Variants in GLMN observed in about 807,000 individuals in gnomAD.
GLMN encodes glomulin.
GLMN carries 75 observed loss-of-function variants against 87.8 expected under a neutral mutation model. The observed-to-expected ratio is 0.85, with a 90% CI of 0.71 to 1.04. GLMN has a LOEUF of 1.04. GLMN is among the 50% of genes least tolerant of loss of function. GLMN has a pLI of 0.00. For synonymous variants in GLMN, 206 were observed against 221.6 expected (o/e 0.93, Z 0.63); for missense variants, 588 against 658.8 (o/e 0.89, Z 1.18).
At chr1:92,286,883 G>C (rs186461578) in intron 6 of GLMN, among the ~76,000 whole-genome samples, 13 of 152,260 alleles carry the variant, frequency 8.5e-5, no homozygotes, top group Non-Finnish European at 1.5e-4. Flanking sequence ...CAGCTAGAAG[G>C]CCCTTGCCAG....
chr1:92,339,935 T>C, the GLMN span, among the ~76,000 whole-genome samples: 1 of 152,208 alleles, frequency 6.6e-6, no homozygotes, highest in Non-Finnish European at 1.5e-5. Flanking sequence ...TTATCTAGAT[T>C]AGCAGTAGTG....
chr1:92,248,052 C>T (rs1038626224), intron 16 of GLMN, 63 bp from the exon 17 acceptor site: 15 of 774,708 alleles, frequency 1.9e-5, no homozygotes, highest in African/African-American at 3.4e-5. Flanking sequence ...CTATTAAACG[C>T]GATAAAAGCT....
chr1:92,288,884 A>C (rs1649081786), intron 6 of GLMN, 30 bp downstream of exon 6: 1 of 1,036,636 alleles, frequency 9.6e-7, no homozygotes, highest in South Asian at 1.3e-5. Context: ...ACTTAAGTCC[A>C]CTGTGAGATG....
intron 16 of GLMN, among the ~76,000 whole-genome samples, chr1:92,255,631 T>A (rs1206720785): frequency 6.6e-6 from 1 of 152,138 alleles, no homozygotes; most frequent in Non-Finnish European, 1.5e-5. Context: ...CAGAACTACA[T>A]GGAAACTGAA....
At chr1:92,284,433 A>ACTGG (rs1648478357) in intron 7 of GLMN, among the ~76,000 whole-genome samples, 1 of 152,226 alleles carries the variant, frequency 6.6e-6, no homozygotes, top group Non-Finnish European at 1.5e-5. Context: ...GAAAGCTGAA[A>ACTGG]CTGGATCCCT....
intron 3 of GLMN, among the ~76,000 whole-genome samples, chr1:92,292,732 CTTTTT>C (rs1177905555): frequency 2.5e-5 from 3 of 119,676 alleles, no homozygotes; most frequent in Admixed American, 1.6e-4. Context: ...CTTTTCTTTT[CTTTTT>C]TTTTTTTTTT....
chr1:92,286,423 T>G, intron 7 of GLMN, 67 bp downstream of exon 7: 3 of 731,642 alleles, frequency 4.1e-6, no homozygotes, highest in Admixed American at 2.1e-5. Context: ...TCAATTTACA[T>G]GTGCAGTACT....
At chr1:92,283,529 A>G (rs913758126) in intron 7 of GLMN, among the ~76,000 whole-genome samples, 2 of 152,188 alleles carry the variant, frequency 1.3e-5, no homozygotes, top group Admixed American at 1.3e-4. Flanking sequence ...ATAGGCAAAA[A>G]ATTGGAAGCA....
chr1:92,305,450 A>AAAAAAAAAAAAAAAAAC, the GLMN span, among the ~76,000 whole-genome samples: 2 of 141,852 alleles, frequency 1.4e-5, no homozygotes, highest in African/African-American at 5.9e-5. Context: ...AAAAAAAAAA[A>AAAAAAAAAAAAAAAAAC]AGACAATATG....
At chr1:92,321,119 A>G in the GLMN span, among the ~76,000 whole-genome samples, 1 of 150,710 alleles carries the variant, frequency 6.6e-6, no homozygotes, top group Non-Finnish European at 1.5e-5. Context: ...CTCTCAAAAC[A>G]CATCCCTTAA....
At chr1:92,353,125 A>G in the GLMN span, among the ~76,000 whole-genome samples, 1 of 152,114 alleles carries the variant, frequency 6.6e-6, no homozygotes, top group Non-Finnish European at 1.5e-5. Context: ...ATTTTTTGCT[A>G]TTTAATGGAT....
chr1:92,324,196 T>C, the GLMN span: 4 of 1,614,020 alleles, frequency 2.5e-6, no homozygotes, highest in African/African-American at 5.3e-5. Flanking sequence ...CTGGAGGGAA[T>C]CTCAGAACAG....
chr1:92,277,202 T>C (rs773403345), intron 7 of GLMN, among the ~76,000 whole-genome samples: 3 of 152,136 alleles, frequency 2.0e-5, no homozygotes, highest in Non-Finnish European at 2.9e-5. Context: ...ACAAAAAATA[T>C]CCATACATCT....
the GLMN span, among the ~76,000 whole-genome samples, chr1:92,337,444 A>G: frequency 6.6e-6 from 1 of 152,180 alleles, no homozygotes; most frequent in Non-Finnish European, 1.5e-5. Context: ...TTTACTAGAA[A>G]GAGCTTTGTA....
At chr1:92,344,154 A>G in the GLMN span, among the ~76,000 whole-genome samples, 1 of 152,208 alleles carries the variant, frequency 6.6e-6, no homozygotes, top group Admixed American at 6.5e-5. Context: ...TCATACCTGT[A>G]ATCCCAGCAT....
chr1:92,301,510 ATTGAAT>A (rs770534805), upstream of GLMN: 3 of 1,595,422 alleles, frequency 1.9e-6, no homozygotes, highest in Admixed American at 3.7e-5. Flanking sequence ...GAGAAAGAAG[ATTGAAT>A]TTGAGAGAAA....
chr1:92,273,929 A>G (rs72958760), intron 7 of GLMN, among the ~76,000 whole-genome samples: 301 of 152,252 alleles, frequency 2.0e-3, no homozygotes, highest in African/African-American at 6.4e-3. Context: ...CTCAATATTC[A>G]TGGCAGCTTT....
chr1:92,317,307 G>C, the GLMN span, among the ~76,000 whole-genome samples: 1 of 152,086 alleles, frequency 6.6e-6, no homozygotes, highest in East Asian at 1.9e-4. Context: ...AGGAATTCGA[G>C]ACCAGCCTGG....
intron 16 of GLMN, among the ~76,000 whole-genome samples, chr1:92,252,448 C>T (rs959651013): frequency 3.3e-5 from 5 of 152,168 alleles, no homozygotes; most frequent in Middle Eastern, 3.2e-3. Flanking sequence ...CTACTGTCTA[C>T]TGTATTGGAC....
Sources: allele counts gnomAD v4.1 joint callset (sites outside exome capture counted in the v4.1 genomes callset), GRCh38; gene constraint gnomAD v4.1.1; transcripts MANE v1.5; gene names NCBI Gene and HGNC (gene_info 2026-07-23, HGNC 2026-07-21).